Variants in FXYD6 observed in about 807,000 individuals in gnomAD.
FXYD6 encodes FXYD domain-containing ion transport regulator 6.
In FXYD6, 7 loss-of-function variants were observed where a neutral mutation model predicts 16.7. That is an observed-to-expected ratio of 0.42 (90% CI 0.24 to 0.79). The LOEUF is 0.79. FXYD6 is among the 30% of genes least tolerant of loss of function. FXYD6 has a pLI of 0.28. For missense variants in FXYD6, 111 were observed against 116.2 expected, an observed-to-expected ratio of 0.95 and a Z score of 0.21; for synonymous variants, 49 against 43.0, an observed-to-expected ratio of 1.14 and a Z score of -0.54.
At chr11:117,838,826 T>A (rs531456255) in intron 7 of FXYD6, 1 of 162,614 alleles carries the variant, frequency 6.1e-6, no homozygotes, top group Admixed American at 5.6e-5. Flanking sequence ...AGGAAAGAAT[T>A]TAAATGCTAC....
intron 1 of FXYD6, among the ~76,000 whole-genome samples, chr11:117,871,234 G>C (rs1015843966): frequency 7.9e-5 from 12 of 152,156 alleles, no homozygotes; most frequent in African/African-American, 2.9e-4. Flanking sequence ...GGTGACGCAC[G>C]GTAATAAAGG....
Position 117,859,961 on chromosome 11 carries a change from T to C in FXYD6, c.-6+16631A>G, listed in dbSNP as rs557760724. Among the ~76,000 whole-genome samples the C allele has an allele frequency of 1.1e-4, 17 of 152,276 alleles. No homozygotes were observed. The South Asian group carries it at 3.3e-3, about 30-fold the overall frequency. On this transcript the variant is annotated intron_variant, in intron 1 of 7. Transcript: ENST00000526014. ...GGGTCATGGGAGAGGCCTATTCTCA[T>C]CACCTGCTTGCTCCCCTGTGTGAGA...
intron 1 of FXYD6, among the ~76,000 whole-genome samples, chr11:117,874,694 C>T (rs1565335103): frequency 6.6e-6 from 1 of 152,212 alleles, no homozygotes; most frequent in Non-Finnish European, 1.5e-5. Context: ...GAGGATGACT[C>T]CCAGAGCCTC....
chr11:117,842,857 C>A, intron 1 of FXYD6, 76 bp from the exon 2 acceptor site: 1 of 1,490,880 alleles, frequency 6.7e-7, no homozygotes. Flanking sequence ...TCAGCCTGAC[C>A]AGGGGCCAAG....
At chr11:117,862,730 A>G (rs898972868) in intron 1 of FXYD6, among the ~76,000 whole-genome samples, 34 of 152,284 alleles carry the variant, frequency 2.2e-4, no homozygotes, top group African/African-American at 7.5e-4. Context: ...GGCAGGGCCA[A>G]ATGGACTTCT....
chr11:117,858,688 T>TTTC lies in FXYD6; in HGVS notation c.-5-15910_-5-15908dup, dbSNP rs2056811822. On this transcript the variant is annotated intron_variant, in intron 1 of 7. Transcript: ENST00000526014. ...CTTTCTTTCTTTCTTTCTTTCTTTCTTTCTTTCTTTCTTTCTCTCTCTCTC... is the reference window on the plus strand; with the variant it reads ...CTTTCTTTCTTTCTTTCTTTCTTTCTTTCTTCTTTCTTTCTTTCTCTCTCTCTC... Among the ~76,000 whole-genome samples, 3 of 87,800 alleles carry TTTC rather than the reference T, an allele frequency of 3.4e-5. 1 individual carries two copies. In the Admixed American group the frequency reaches 3.9e-4, roughly 11 times the overall value. The allele number at this position is 87,800 out of a possible 152,430, so 57.6% of individuals were successfully genotyped here. A position where few individuals can be genotyped will look rare whatever the true frequency, so the allele number is the denominator to read the frequency against.
chr11:117,863,088 T>C (rs911801018), intron 1 of FXYD6, among the ~76,000 whole-genome samples: 35 of 152,204 alleles, frequency 2.3e-4, no homozygotes, highest in Non-Finnish European at 4.4e-5. Context: ...ACTGCTATTT[T>C]ACAGATTAGA....
chr11:117,839,919 T>G, intron 6 of FXYD6, 89 bp from the exon 7 acceptor site: 51 of 1,549,200 alleles, frequency 3.3e-5, no homozygotes, highest in Non-Finnish European at 4.5e-5. Context: ...TGCCTGACTC[T>G]GGGGGAGCAA....
rs1269465749 is a variant in FXYD6, at chr11:117,838,010, C to G, written c.*289G>C. 1 of 602,756 alleles carries G rather than the reference C, an allele frequency of 1.7e-6. No homozygotes were observed. Among genetic ancestry groups the G allele is most frequent in the Non-Finnish European group, 3.0e-6 (1 of 335,984 alleles). The allele number at this position is 602,756 out of a possible 1,614,324, so 37.3% of individuals were successfully genotyped here. ...ACAATACCATCCACAAACAAGTAGCCACAAAGACCACAGTTAGCAAACACA... is the reference window on the plus strand; with the variant it reads ...ACAATACCATCCACAAACAAGTAGCGACAAAGACCACAGTTAGCAAACACA... On this transcript the variant is annotated 3_prime_UTR_variant, in exon 8 of 8. Transcript: ENST00000526014.
intron 7 of FXYD6, chr11:117,838,942 C>G (rs1298301507): frequency 2.0e-5 from 3 of 153,484 alleles, no homozygotes; most frequent in Admixed American, 6.4e-5. Context: ...ATATACCTTT[C>G]TATAATGCCT....
intron 1 of FXYD6, among the ~76,000 whole-genome samples, chr11:117,845,859 T>G (rs1308005472): frequency 2.0e-5 from 3 of 152,262 alleles, no homozygotes; most frequent in Admixed American, 6.5e-5. Flanking sequence ...AGATAGTTTC[T>G]TTTCTATTTT....
In FXYD6 at chr11:117,837,772, T is replaced by C. The variant is rs1030142770; in HGVS notation, c.*527A>G. Reference sequence around the variant, plus strand: ...GAGTCCATGAAGAATGATGACAAAGTGCTGCAAACCTTCCCAGGTCCCAAG... The same window carrying C: ...GAGTCCATGAAGAATGATGACAAAGCGCTGCAAACCTTCCCAGGTCCCAAG... On this transcript the variant is annotated 3_prime_UTR_variant, in exon 8 of 8. Transcript: ENST00000526014. This position sits in a 1 kb window ranked among gnomAD's most constrained non-coding sequence, Gnocchi z 4.4. 6 of 180,458 alleles carry C rather than the reference T, an allele frequency of 3.3e-5. No homozygotes were observed. Among genetic ancestry groups the C allele is most frequent in the Admixed American group, 2.7e-4 (5 of 18,418 alleles). The allele number at this position is 180,458 out of a possible 1,614,324, so 11.2% of individuals were successfully genotyped here. A position where few individuals can be genotyped will look rare whatever the true frequency, so the allele number is the denominator to read the frequency against.
At chr11:117,844,293 C>T (rs2056423742) in intron 1 of FXYD6, 1 of 152,200 alleles carries the variant, frequency 6.6e-6, no homozygotes, top group Non-Finnish European at 1.5e-5. Flanking sequence ...GAATGCTACA[C>T]TGTATCTTAT....
At position 117,838,060 on chromosome 11, in the gene FXYD6, C is replaced by G. The variant is rs1204799338; in HGVS notation, c.*239G>C. The G allele has an allele frequency of 1.5e-6, 1 of 665,628 alleles. No individual in the cohort carries two copies. The highest frequency in any genetic ancestry group is 1.8e-5 in the African/African-American group (1 of 56,464). 41.2% of individuals were successfully genotyped at this position (665,628 alleles called of 1,614,324 possible). A position where few individuals can be genotyped will look rare whatever the true frequency, so the allele number is the denominator to read the frequency against. On this transcript the variant is annotated 3_prime_UTR_variant, in exon 8 of 8. Coordinates refer to ENST00000526014, the MANE Select transcript of FXYD6 (RefSeq NM_022003.4). ...ACACAGTCACACACACACACACACA[C>G]ACACACATCACGGGAGGTGGGCAGG... is the stretch of plus-strand genomic sequence containing the variant.
chr11:117,845,590 T>C (rs1399117661), intron 1 of FXYD6, among the ~76,000 whole-genome samples: 1 of 152,234 alleles, frequency 6.6e-6, no homozygotes, highest in African/African-American at 2.4e-5. Context: ...ATTGTGCAGG[T>C]AAATGATCAT....
Position 117,864,594 on chromosome 11 carries a change from G to GT in FXYD6, c.-6+11997dup, listed in dbSNP as rs201429159. ...AAAGAAAAAAATAGACAAATTGCAC[G>GT]TTTTTTTTTTGAGACGGAGTCTCAC... On this transcript the variant is annotated intron_variant, in intron 1 of 7. Coordinates refer to ENST00000526014, the MANE Select transcript of FXYD6 (RefSeq NM_022003.4). Among the ~76,000 whole-genome samples, 116 of 149,086 alleles carry GT rather than the reference G, an allele frequency of 7.8e-4. No homozygotes were observed. The East Asian group carries it at 0.017, about 22-fold the overall frequency.
At position 117,840,451 on chromosome 11, in the gene FXYD6, CA is replaced by C. The variant is rs2056312996; in HGVS notation, c.210-84del. The C allele has an allele frequency of 2.5e-6, 4 of 1,569,704 alleles. No homozygotes were observed. The African/African-American group carries it at 4.1e-5, about 16-fold the overall frequency. Reference sequence around the variant, plus strand: ...CATCGTTCTGCTCCTCACTGGGGCACAGCTGCCTGCAGTCAGGCTCCTCCCA... The same window carrying C: ...CATCGTTCTGCTCCTCACTGGGGCACGCTGCCTGCAGTCAGGCTCCTCCCA... On this transcript the variant is annotated intron_variant, in intron 5 of 7. Transcript: ENST00000526014.
intron 1 of FXYD6, among the ~76,000 whole-genome samples, chr11:117,846,174 G>A (rs1479551480): frequency 2.0e-5 from 3 of 152,164 alleles, no homozygotes; most frequent in Non-Finnish European, 4.4e-5. Context: ...TGATTACACT[G>A]TAATAGAGCT....
At chr11:117,841,455 C>T in intron 4 of FXYD6, 1 of 589,868 alleles carries the variant, frequency 1.7e-6, no homozygotes, top group Non-Finnish European at 3.0e-6. Context: ...GTGGGAACAA[C>T]AAACTCGGAG....
Sources: gnomAD v4.1 joint callset for allele counts (sites outside exome capture counted in the v4.1 genomes callset) on GRCh38, gnomAD v4.1.1 for gene constraint, Gnocchi (gnomAD v3.1) non-coding constraint, MANE v1.5 for transcripts, NCBI Gene and HGNC (gene_info 2026-07-23, HGNC 2026-07-21) for gene names.